UGT2B4: variants seen among roughly 807,000 people sequenced by gnomAD.
UGT2B4 encodes the protein UDP glucuronosyltransferase family 2 member B4.
Under a neutral mutation model 49.8 loss-of-function variants are expected in UGT2B4, and 49 were observed. That is an observed-to-expected ratio of 0.98 (90% CI 0.78 to 1.25). The LOEUF is 1.25. UGT2B4 is among the 50% of genes most tolerant of loss of function. UGT2B4 has a pLI of 0.00. For missense variants in UGT2B4, 729 were observed against 627.7 expected, an observed-to-expected ratio of 1.16 and a Z score of -1.73; for synonymous variants, 246 against 217.7, an observed-to-expected ratio of 1.13 and a Z score of -1.14.
At position 69,504,775 on chromosome 4, in the gene UGT2B4, G is replaced by T. The variant is rs139673375; in HGVS notation, c.-105-8809C>A. Among the ~76,000 whole-genome samples, 90 of 151,948 alleles carry T rather than the reference G, an allele frequency of 5.9e-4. No homozygotes were observed. The East Asian group carries it at 0.017, about 29-fold the overall frequency. On this transcript the variant is annotated intron_variant, in intron 1 of 1. Coordinates refer to the UGT2B4 transcript ENST00000510114. The stretch of plus-strand genomic sequence containing the variant: ...ACCCCAGTAAGATACTCCATGAGAA[G>T]ATTATCATCAAGACACAAAATTATC...
chr4:69,511,884 A>G (rs1233995435), intron 1 of UGT2B4, among the ~76,000 whole-genome samples: 1 of 152,052 alleles, frequency 6.6e-6, no homozygotes, highest in Admixed American at 6.6e-5. Flanking sequence ...ACTCAGTCTT[A>G]GTAGGTTGTA....
intron 2 of UGT2B4, among the ~76,000 whole-genome samples, chr4:69,491,814 C>T (rs1337193740): frequency 6.6e-6 from 1 of 151,962 alleles, no homozygotes; most frequent in African/African-American, 2.4e-5. Context: ...TTTCATTAGT[C>T]TTATCTCAGC....
chr4:69,496,268 G>T (rs1450327600), upstream of UGT2B4, among the ~76,000 whole-genome samples: 1 of 151,866 alleles, frequency 6.6e-6, no homozygotes, highest in Non-Finnish European at 1.5e-5. Context: ...CTTGTGATCT[G>T]CCCTCCTTGG....
Position 69,495,344 on chromosome 4 carries a change from C to A in UGT2B4, c.518G>T (p.Arg173Leu), listed in dbSNP as rs368455200. 6.2e-7 allele frequency: 1 copy of A among 1,613,134 alleles called. No individual in the cohort carries two copies. The highest frequency in any genetic ancestry group is 2.2e-5 in the East Asian group (1 of 44,860). ...TTCAATTGCGTAGCCAGGAGAGAAGCGGAGGCTGTAGACAAAGGGTATTTT... is the reference window on the plus strand; with the variant it reads ...TTCAATTGCGTAGCCAGGAGAGAAGAGGAGGCTGTAGACAAAGGGTATTTT... Reference protein sequence around the residue: ...LLKIPFVYSLRFSPGYAIEKH... With the variant: ...LLKIPFVYSLLFSPGYAIEKH... Residue 173 changes from arginine (R) to leucine (L), a missense_variant, in exon 1 of 6, where the codon CGC becomes CTC. Transcript: ENST00000305107.
At chr4:69,517,001 C>T (rs114394327) in intron 1 of UGT2B4, among the ~76,000 whole-genome samples, 1 of 151,598 alleles carries the variant, frequency 6.6e-6, no homozygotes, top group Non-Finnish European at 1.5e-5. Flanking sequence ...CTTTAAATAC[C>T]TTGTAGATTA....
intron 1 of UGT2B4, among the ~76,000 whole-genome samples, chr4:69,516,809 T>C (rs1460178827): frequency 2.6e-5 from 4 of 152,166 alleles, no homozygotes; most frequent in African/African-American, 9.6e-5. Context: ...GATTTTGCCA[T>C]GATGGCCAGG....
At chr4:69,520,752 A>T (rs934905460) in intron 1 of UGT2B4, among the ~76,000 whole-genome samples, 1 of 152,172 alleles carries the variant, frequency 6.6e-6, no homozygotes, top group Admixed American at 6.5e-5. Flanking sequence ...AGGATGGCTC[A>T]GCACCATCCT....
At position 69,480,649 on chromosome 4, in the gene UGT2B4, C is replaced by G. The variant is rs373908353; in HGVS notation, c.1572G>C (p.Lys524Asn). 2.5e-6 allele frequency: 4 copies of G among 1,613,842 alleles called. No homozygotes were observed. Among genetic ancestry groups the G allele is most frequent in the African/African-American group, 1.3e-5 (1 of 74,900 alleles). ...TCAGACGTAATTAATCTCTTTTCCC[C>G]TTCTTTCCTGTTCTAACAAACTTCC... ...CVWKFVRTGKKGKRD is the reference protein window; with the variant it reads ...CVWKFVRTGKNGKRD Residue 524 changes from lysine to asparagine, a missense_variant, in exon 6 of 6, where the codon AAG becomes AAC. By Grantham distance (94) the Lys-to-Asn change is moderately conservative. Coordinates refer to ENST00000305107, the MANE Select transcript of UGT2B4 (RefSeq NM_021139.3).
At chr4:69,482,504 AG>A (rs1244530286) in intron 5 of UGT2B4, among the ~76,000 whole-genome samples, 1 of 152,200 alleles carries the variant, frequency 6.6e-6, no homozygotes, top group Non-Finnish European at 1.5e-5. Flanking sequence ...GGACCATTTT[AG>A]TCACTGCTTT....
upstream of UGT2B4, among the ~76,000 whole-genome samples, chr4:69,500,606 G>A (rs144765946): frequency 0.044 from 4,414 of 99,342 alleles, 254 homozygotes; most frequent in East Asian, 0.081. Flanking sequence ...AGAAAGCAAG[G>A]AAGAAAGAAA....
At chr4:69,520,381 AC>A (rs1728820762) in intron 1 of UGT2B4, among the ~76,000 whole-genome samples, 1 of 152,226 alleles carries the variant, frequency 6.6e-6, no homozygotes, top group African/African-American at 2.4e-5. Context: ...TCAGTAGGAA[AC>A]AGGAACAGGC....
chr4:69,510,402 G>A lies in UGT2B4; in HGVS notation c.-105-14436C>T, dbSNP rs906637946. Among the ~76,000 whole-genome samples, 5 of 152,088 alleles carry A rather than the reference G, an allele frequency of 3.3e-5. No homozygotes were observed. The East Asian group carries it at 5.8e-4, about 18-fold the overall frequency. ...AATAATATCTAATTTTATAAAAAAT[G>A]TCATGGGTCTTTTAATAGGAATTAT... On this transcript the variant is annotated intron_variant, in intron 1 of 1. Coordinates refer to the UGT2B4 transcript ENST00000510114.
At chr4:69,520,719 G>A (rs1400634824) in intron 1 of UGT2B4, among the ~76,000 whole-genome samples, 8 of 150,698 alleles carry the variant, frequency 5.3e-5, no homozygotes, top group Admixed American at 5.3e-4. Flanking sequence ...GACGAACACA[G>A]GAAGGCAGCT....
chr4:69,501,112 A>G (rs771716609), intron 1 of UGT2B4, among the ~76,000 whole-genome samples: 7 of 151,988 alleles, frequency 4.6e-5, no homozygotes, highest in Non-Finnish European at 7.4e-5. Flanking sequence ...TCATGGTAGC[A>G]GTGTTGTGCC....
chr4:69,523,126 G>A (rs914147493), intron 1 of UGT2B4, among the ~76,000 whole-genome samples: 2 of 152,054 alleles, frequency 1.3e-5, no homozygotes, highest in African/African-American at 4.8e-5. Context: ...TCATTCATAG[G>A]AATTGTAATA....
chr4:69,518,964 G>C (rs1728789953), intron 1 of UGT2B4, among the ~76,000 whole-genome samples: 1 of 152,160 alleles, frequency 6.6e-6, no homozygotes, highest in African/African-American at 2.4e-5. Context: ...TATGAGGTGT[G>C]ACGAAAGGTT....
At chr4:69,494,310 T>G (rs1354606669) in intron 1 of UGT2B4, among the ~76,000 whole-genome samples, 1 of 152,188 alleles carries the variant, frequency 6.6e-6, no homozygotes, top group Non-Finnish European at 1.5e-5. Flanking sequence ...GTTGATTATT[T>G]TGAAATGATG....
Position 69,480,678 on chromosome 4 carries a change from C to G in UGT2B4, c.1543G>C (p.Val515Leu). The stretch of plus-strand genomic sequence containing the variant: ...TTTCCTGTTCTAACAAACTTCCAGA[C>G]ACAAAACAGACATTTTGTGATGATG... ...IFIITKCLFC[V>L]WKFVRTGKKG... is the part of the protein sequence containing the mutation. The change falls in exon 6 of 6, where the codon GTC becomes CTC. Residue 515 changes from valine (V) to leucine (L), a missense_variant. Coordinates refer to ENST00000305107, the MANE Select transcript of UGT2B4 (RefSeq NM_021139.3). 4 of 1,614,038 alleles carry G rather than the reference C, an allele frequency of 2.5e-6. No homozygotes were observed. The highest frequency in any genetic ancestry group is 3.4e-6 in the Non-Finnish European group (4 of 1,179,994).
chr4:69,483,930 A>C (rs1312292581), intron 5 of UGT2B4, among the ~76,000 whole-genome samples: 1 of 152,210 alleles, frequency 6.6e-6, no homozygotes, highest in Non-Finnish European at 1.5e-5. Context: ...TCCATAATAC[A>C]TAAATAGTTC....
Sources: allele counts gnomAD v4.1 joint callset (sites outside exome capture counted in the v4.1 genomes callset), GRCh38; gene constraint gnomAD v4.1.1; transcripts MANE v1.5; gene names NCBI Gene and HGNC (gene_info 2026-07-23, HGNC 2026-07-21).